The following PRCC variants were observed in gnomAD, a reference collection of about 807,000 sequenced individuals.
PRCC encodes proline-rich protein PRCC.
PRCC carries 10 observed loss-of-function variants against 44.0 expected under a neutral mutation model. That is an observed-to-expected ratio of 0.23 (90% CI 0.14 to 0.39). The LOEUF is 0.39. PRCC is among the 10% of genes least tolerant of loss of function. The pLI, the probability that PRCC is intolerant of heterozygous loss-of-function variation, is 1.00. For missense variants in PRCC, 573 were observed against 624.7 expected (o/e 0.92, Z 0.88); for synonymous variants, 278 against 259.5 (o/e 1.07, Z -0.69).
Position 156,787,100 on chromosome 1 carries a change from A to C in PRCC, c.1009A>C (p.Lys337Gln), listed in dbSNP as rs1652279346. The change falls in exon 3 of 7, where the codon AAG becomes CAG. Residue 337 changes from lysine (K) to glutamine (Q), a missense_variant. Coordinates refer to ENST00000271526, the MANE Select transcript of PRCC (RefSeq NM_005973.5). ...TTCAAGTGGGGCCCCTTGGATGCCTAAGCCTGGGGACGACTACAGCTACAA... is the reference window on the plus strand; with the variant it reads ...TTCAAGTGGGGCCCCTTGGATGCCTCAGCCTGGGGACGACTACAGCTACAA... ...AGSSGAPWMP[K>Q]PGDDYSYNQF... 4 of 1,614,098 alleles carry C rather than the reference A, an allele frequency of 2.5e-6. No homozygotes were observed. The East Asian group carries it at 8.9e-5, about 36-fold the overall frequency.
At chr1:156,800,267 C>T (rs773653407) in intron 6 of PRCC, 107 bp from the exon 7 acceptor site, 30 of 1,053,832 alleles carry the variant, frequency 2.8e-5, no homozygotes, top group East Asian at 9.7e-5. Flanking sequence ...CCCCCATAAT[C>T]GTTTTGATAG....
At chr1:156,797,432 T>A in intron 6 of PRCC, 91 bp downstream of exon 6, 11 of 1,478,460 alleles carry the variant, frequency 7.4e-6, no homozygotes, top group Non-Finnish European at 1.0e-5. Context: ...CCCAGATGCT[T>A]ATCTTTTAGC....
chr1:156,793,425 T>G (rs1652557505), intron 4 of PRCC, among the ~76,000 whole-genome samples: 1 of 152,200 alleles, frequency 6.6e-6, no homozygotes. Context: ...TCTGGATGAC[T>G]TGTGTGATTT....
intron 3 of PRCC, chr1:156,791,188 G>A (rs769868385): frequency 7.3e-6 from 10 of 1,369,116 alleles, no homozygotes; most frequent in South Asian, 2.3e-5. Flanking sequence ...TCCTAATAGT[G>A]GTTATTTTAA....
chr1:156,784,521 A>G (rs1455376305), intron 2 of PRCC, among the ~76,000 whole-genome samples: 1 of 152,246 alleles, frequency 6.6e-6, no homozygotes, highest in Non-Finnish European at 1.5e-5. Context: ...GACAAGTCAG[A>G]CACTTCAAGG....
chr1:156,798,876 C>G (rs757000448), intron 6 of PRCC, among the ~76,000 whole-genome samples: 1 of 150,464 alleles, frequency 6.6e-6, no homozygotes, highest in Non-Finnish European at 1.5e-5. Context: ...TGACATTGTA[C>G]GCAATGAAAA....
chr1:156,769,011 C>T (rs138749020), intron 1 of PRCC, among the ~76,000 whole-genome samples: 10 of 152,296 alleles, frequency 6.6e-5, no homozygotes, highest in African/African-American at 2.2e-4. Flanking sequence ...GGCAGCGAGT[C>T]TTACCTGTTT....
chr1:156,792,643 G>T (rs1033105653), intron 4 of PRCC, among the ~76,000 whole-genome samples: 1 of 151,920 alleles, frequency 6.6e-6, no homozygotes, highest in Non-Finnish European at 1.5e-5. Context: ...TAGTAGAGAC[G>T]GGGTTTCACC....
chr1:156,789,429 G>C (rs1228840196), intron 3 of PRCC, among the ~76,000 whole-genome samples: 2 of 152,180 alleles, frequency 1.3e-5, no homozygotes, highest in East Asian at 3.8e-4. Flanking sequence ...TCTAATCTTA[G>C]AATTACAAGA....
At chr1:156,783,528 C>T (rs993829453) in intron 2 of PRCC, among the ~76,000 whole-genome samples, 2 of 152,076 alleles carry the variant, frequency 1.3e-5, no homozygotes, top group Non-Finnish European at 2.9e-5. Flanking sequence ...GGCAGATCAC[C>T]TGAAGTCAGG....
intron 3 of PRCC, among the ~76,000 whole-genome samples, chr1:156,788,904 G>C (rs559171470): frequency 6.6e-5 from 10 of 151,874 alleles, no homozygotes; most frequent in Non-Finnish European, 1.5e-4. Flanking sequence ...GACCTCAAAT[G>C]ATCTGCCCAC....
At chr1:156,790,999 G>T in intron 3 of PRCC, 2 of 835,120 alleles carry the variant, frequency 2.4e-6, no homozygotes, top group South Asian at 1.4e-5. Flanking sequence ...ACAGTTTATT[G>T]GCCCTGTGGC....
intron 6 of PRCC, among the ~76,000 whole-genome samples, chr1:156,798,844 A>C (rs1371093893): frequency 6.7e-6 from 1 of 150,030 alleles, no homozygotes; most frequent in Non-Finnish European, 1.5e-5. Flanking sequence ...CCATCTCAAA[A>C]AAAAAAAAAA....
intron 4 of PRCC, 108 bp from the exon 5 acceptor site, chr1:156,794,557 C>A: frequency 1.5e-6 from 2 of 1,344,640 alleles, no homozygotes; most frequent in Admixed American, 2.1e-5. Flanking sequence ...ACTGAGGGTG[C>A]CTTGGGATTG....
chr1:156,772,336 A>T (rs1029304548), intron 1 of PRCC, among the ~76,000 whole-genome samples: 2 of 152,222 alleles, frequency 1.3e-5, no homozygotes, highest in Non-Finnish European at 2.9e-5. Flanking sequence ...TTTGGGTCAT[A>T]TTATCCAATC....
At chr1:156,772,519 G>T (rs1411180863) in intron 1 of PRCC, among the ~76,000 whole-genome samples, 1 of 152,126 alleles carries the variant, frequency 6.6e-6, no homozygotes, top group Non-Finnish European at 1.5e-5. Flanking sequence ...ATAGGCTCAG[G>T]GGAGGCAGAC....
intron 1 of PRCC, among the ~76,000 whole-genome samples, chr1:156,779,637 G>A (rs961505197): frequency 5.9e-5 from 9 of 152,024 alleles, no homozygotes; most frequent in Admixed American, 2.0e-4. Context: ...CCAAAGTGCT[G>A]GAATGACAGG....
chr1:156,776,812 G>A (rs1323586616), intron 1 of PRCC, among the ~76,000 whole-genome samples: 3 of 152,148 alleles, frequency 2.0e-5, no homozygotes, highest in Non-Finnish European at 4.4e-5. Flanking sequence ...ATACCCCATA[G>A]TGAGGTTGTT....
At position 156,787,449 on chromosome 1, in the gene PRCC, TGATATATATATATATATATATATA is replaced by T. The variant is rs1362928385; in HGVS notation, c.1083+276_1083+299del. On this transcript the variant is annotated intron_variant, in intron 3 of 6. Coordinates refer to ENST00000271526, the MANE Select transcript of PRCC (RefSeq NM_005973.5). ...CATAATATTTGTACATATTTGTGAT[TGATATATATATATATATATATATA>T]TATATATATATATATATATATATAT... 1.6e-3 allele frequency among the ~76,000 whole-genome samples: 94 copies of T among 59,968 alleles called. No individual in the cohort carries two copies. In the East Asian group the frequency reaches 0.031, roughly 20 times the overall value. The allele number at this position is 59,968 out of a possible 152,430, so 39.3% of individuals were successfully genotyped here.
Sources: allele counts gnomAD v4.1 joint callset (sites outside exome capture counted in the v4.1 genomes callset), GRCh38; gene constraint gnomAD v4.1.1; transcripts MANE v1.5; gene names NCBI Gene and HGNC (gene_info 2026-07-23, HGNC 2026-07-21).